The following JARID2 variants were observed in gnomAD, a reference collection of about 807,000 sequenced individuals.
The protein encoded by JARID2 is jumonji and AT-rich interaction domain containing 2, also known as protein Jumonji.
JARID2 carries 21 observed loss-of-function variants against 125.6 expected under a neutral mutation model. That is an observed-to-expected ratio of 0.17 (90% CI 0.12 to 0.24). JARID2 has a LOEUF of 0.24. JARID2 is among the 10% of genes least tolerant of loss of function. The pLI is 1.00. For missense variants in JARID2, 1,303 were observed against 1,639.6 expected (o/e 0.79, Z 3.55); for synonymous variants, 736 against 661.6 (o/e 1.11, Z -1.73).
intron 1 of JARID2, among the ~76,000 whole-genome samples, chr6:15,249,537 T>TA (rs1156758691): frequency 5.9e-5 from 9 of 152,172 alleles, no homozygotes; most frequent in Non-Finnish European, 1.3e-4. Context: ...AATGGAAAAA[T>TA]ACCTGCCATT....
chr6:15,517,043 C>A (rs1771594771), intron 16 of JARID2, 118 bp from the exon 17 acceptor site: 1 of 714,830 alleles, frequency 1.4e-6, no homozygotes, highest in Non-Finnish European at 2.5e-6. Context: ...GGTGCTGGGG[C>A]TACTCTGGCG....
intron 3 of JARID2, among the ~76,000 whole-genome samples, chr6:15,447,165 C>T (rs1039725467): frequency 6.6e-6 from 1 of 152,164 alleles, no homozygotes; most frequent in Non-Finnish European, 1.5e-5. Context: ...ACCCCCACTG[C>T]GCCAACCCTA....
rs73724413 is a variant in JARID2, at chr6:15,473,711, G to C, written c.670+4993G>C. ...AGTCTTTTGTGAAGTCATATGAAAAGAAAAAATCCCCACAAGCCACTACCT... is the reference window on the plus strand; with the variant it reads ...AGTCTTTTGTGAAGTCATATGAAAACAAAAAATCCCCACAAGCCACTACCT... On this transcript the variant is annotated intron_variant, in intron 5 of 17. Coordinates refer to ENST00000341776, the MANE Select transcript of JARID2 (RefSeq NM_004973.4). Among the ~76,000 whole-genome samples, 861 of 151,748 alleles carry C rather than the reference G, an allele frequency of 5.7e-3. 7 individuals carry two copies. The highest frequency in any genetic ancestry group is 0.02 in the African/African-American group (833 of 41,490).
At chr6:15,270,097 G>A (rs567869291) in intron 1 of JARID2, among the ~76,000 whole-genome samples, 11 of 152,200 alleles carry the variant, frequency 7.2e-5, no homozygotes, top group African/African-American at 2.4e-4. Context: ...CCTCAGGGTC[G>A]ATCCTTCCTT....
intron 1 of JARID2, among the ~76,000 whole-genome samples, chr6:15,361,652 C>T (rs894242388): frequency 2.6e-5 from 4 of 152,076 alleles, no homozygotes; most frequent in African/African-American, 9.7e-5. Flanking sequence ...GGTCAGTCCT[C>T]ATGGCTTTGG....
chr6:15,460,708 T>G (rs1768404751), intron 4 of JARID2, among the ~76,000 whole-genome samples: 1 of 151,838 alleles, frequency 6.6e-6, no homozygotes, highest in Admixed American at 6.6e-5. Context: ...GTTGTTGTTG[T>G]TTTGTTTTTT....
intron 5 of JARID2, among the ~76,000 whole-genome samples, chr6:15,471,097 A>G (rs1769053794): frequency 6.6e-6 from 1 of 152,240 alleles, no homozygotes; most frequent in African/African-American, 2.4e-5. Flanking sequence ...GAGAAGCTAC[A>G]GTGGCATAGC....
intron 3 of JARID2, among the ~76,000 whole-genome samples, chr6:15,413,636 T>C (rs1303753692): frequency 1.3e-5 from 2 of 152,194 alleles, no homozygotes; most frequent in Non-Finnish European, 2.9e-5. Context: ...AGATGGGATC[T>C]GGCTTTGTTA....
At chr6:15,477,561 A>C (rs1769407659) in intron 5 of JARID2, among the ~76,000 whole-genome samples, 1 of 147,630 alleles carries the variant, frequency 6.8e-6, no homozygotes, top group South Asian at 2.1e-4. Context: ...CCAGTTATAC[A>C]ATGTATGTTT....
Position 15,406,402 on chromosome 6 carries a change from C to G in JARID2, c.182-3822C>G, listed in dbSNP as rs377053843. Among the ~76,000 whole-genome samples the G allele has an allele frequency of 7.3e-4, 111 of 152,298 alleles. No individual in the cohort carries two copies. In the South Asian group the frequency reaches 7.5e-3, roughly 10 times the overall value. Reference sequence around the variant, plus strand: ...TGAGCCAAGATTGTGCCACTGCGCTCCAGCCTCATGACAGAGCGAGACTCT... The same window carrying G: ...TGAGCCAAGATTGTGCCACTGCGCTGCAGCCTCATGACAGAGCGAGACTCT... On this transcript the variant is annotated intron_variant, in intron 2 of 17. Transcript: ENST00000341776.
intron 4 of JARID2, among the ~76,000 whole-genome samples, chr6:15,458,795 A>G (rs1440746416): frequency 1.3e-5 from 2 of 152,190 alleles, no homozygotes; most frequent in Non-Finnish European, 2.9e-5. Flanking sequence ...CAGAAAGAGG[A>G]TAGTGCTGGG....
intron 8 of JARID2, among the ~76,000 whole-genome samples, chr6:15,502,277 C>T (rs1005539439): frequency 7.2e-5 from 11 of 152,250 alleles, no homozygotes; most frequent in Admixed American, 6.5e-4. Flanking sequence ...TTGGGGTTTC[C>T]TCCCTTCTCC....
intron 1 of JARID2, among the ~76,000 whole-genome samples, chr6:15,256,646 C>A (rs377535304): frequency 1.3e-3 from 199 of 152,268 alleles, no homozygotes; most frequent in African/African-American, 4.6e-3. Flanking sequence ...CCTCTACTTG[C>A]TTGGTGAATG....
At position 15,247,423 on chromosome 6, in the gene JARID2, CTTTTTT is replaced by C. The variant is rs10712805; in HGVS notation, c.45+848_45+853del. 1.1e-5 allele frequency: 10 copies of C among 880,248 alleles called. No homozygotes were observed. The Admixed American group carries it at 3.2e-4, about 28-fold the overall frequency. The allele number at this position is 880,248 out of a possible 1,614,324, so 54.5% of individuals were successfully genotyped here. ...AGTGTTTTTGTTTTGTGTGTGGTGG[CTTTTTT>C]TTTTTTTTAAGTTTGAGGGGAGGGA... On this transcript the variant is annotated intron_variant, in intron 1 of 17. Coordinates refer to ENST00000341776, the MANE Select transcript of JARID2 (RefSeq NM_004973.4).
At chr6:15,292,381 T>C (rs1361543042) in intron 1 of JARID2, among the ~76,000 whole-genome samples, 2 of 152,166 alleles carry the variant, frequency 1.3e-5, no homozygotes, top group Admixed American at 6.5e-5. Flanking sequence ...AACAGGTATG[T>C]AATTTTCTAT....
intron 3 of JARID2, among the ~76,000 whole-genome samples, chr6:15,440,921 C>T (rs190262622): frequency 2.6e-5 from 4 of 152,324 alleles, no homozygotes; most frequent in East Asian, 1.9e-4. Flanking sequence ...CCTTTTCTTA[C>T]AGAGCAGACT....
At chr6:15,467,967 C>T (rs1229066681) in intron 4 of JARID2, among the ~76,000 whole-genome samples, 1 of 152,070 alleles carries the variant, frequency 6.6e-6, no homozygotes, top group African/African-American at 2.4e-5. Flanking sequence ...AAATTCAGCA[C>T]TTTTACTTAG....
At chr6:15,250,361 A>G (rs928754219) in intron 1 of JARID2, among the ~76,000 whole-genome samples, 1 of 152,228 alleles carries the variant, frequency 6.6e-6, no homozygotes, top group Non-Finnish European at 1.5e-5. Flanking sequence ...CAAATTGTTC[A>G]GTCACGTTAT....
rs565941841 is a variant in JARID2 at position 15,366,662 on chromosome 6, A to G, written c.46-7455A>G. 2.2e-3 allele frequency among the ~76,000 whole-genome samples: 336 copies of G among 152,204 alleles called. 1 individual carries two copies. The highest frequency in any genetic ancestry group is 7.4e-3 in the African/African-American group (306 of 41,548). ...TCCTTGGTCTCCTATGGCCCCATCAATTCGAAGGCGATTTCTGCATTTCAG... is the reference window on the plus strand; with the variant it reads ...TCCTTGGTCTCCTATGGCCCCATCAGTTCGAAGGCGATTTCTGCATTTCAG... On this transcript the variant is annotated intron_variant, in intron 1 of 17. Coordinates refer to ENST00000341776, the MANE Select transcript of JARID2 (RefSeq NM_004973.4).
Sources: gnomAD v4.1 joint callset for allele counts (sites outside exome capture counted in the v4.1 genomes callset) on GRCh38, gnomAD v4.1.1 for gene constraint, MANE v1.5 for transcripts, NCBI Gene and HGNC (gene_info 2026-07-23, HGNC 2026-07-21) for gene names.